The following CDK8 variants were observed in gnomAD, a reference collection of about 807,000 sequenced individuals.
CDK8 encodes the protein cyclin-dependent kinase 8.
A neutral mutation model predicts 71.5 loss-of-function variants in CDK8; 29 were observed. That is an observed-to-expected ratio of 0.41 (90% CI 0.30 to 0.55). The LOEUF is 0.55. Among genes scored for constraint, CDK8 ranks in the 20% least tolerant of loss-of-function variants. CDK8 has a pLI of 0.37. For missense variants in CDK8, 288 were observed against 572.6 expected (o/e 0.50, Z 5.07); for synonymous variants, 161 against 192.1 (o/e 0.84, Z 1.34).
intron 1 of CDK8, among the ~76,000 whole-genome samples, chr13:26,263,356 C>T (rs1051797599): frequency 2.6e-5 from 4 of 152,060 alleles, no homozygotes; most frequent in Non-Finnish European, 5.9e-5. Flanking sequence ...AAGATGGTCT[C>T]GATCTCCTGG....
intron 1 of CDK8, among the ~76,000 whole-genome samples, chr13:26,272,106 C>G (rs1156935908): frequency 6.6e-6 from 1 of 151,762 alleles, no homozygotes; most frequent in Non-Finnish European, 1.5e-5. Context: ...CTTTCTGATT[C>G]TTGTATAATA....
chr13:26,382,787 A>C (rs1346506354), intron 4 of CDK8, 27 bp from the exon 5 acceptor site: 1 of 1,514,614 alleles, frequency 6.6e-7, no homozygotes, highest in Non-Finnish European at 9.0e-7. Context: ...CTGTCTACTG[A>C]AAAAAAACAC....
intron 6 of CDK8, among the ~76,000 whole-genome samples, chr13:26,387,801 T>C (rs1875551520): frequency 1.3e-5 from 2 of 152,226 alleles, no homozygotes; most frequent in South Asian, 4.1e-4. Context: ...ATAGTACCTT[T>C]TCAGAGAGAA....
intron 1 of CDK8, among the ~76,000 whole-genome samples, chr13:26,289,651 C>T (rs981123629): frequency 1.3e-5 from 2 of 151,722 alleles, no homozygotes; most frequent in African/African-American, 4.8e-5. Context: ...CCCGGGTTCA[C>T]GCCATTCTCC....
At chr13:26,288,460 GTAA>G (rs1033605425) in intron 1 of CDK8, among the ~76,000 whole-genome samples, 5 of 151,802 alleles carry the variant, frequency 3.3e-5, no homozygotes, top group African/African-American at 1.2e-4. Flanking sequence ...CTATAGCCTT[GTAA>G]TAATTCTAAT....
chr13:26,273,277 T>G (rs1302050644), intron 1 of CDK8, among the ~76,000 whole-genome samples: 1 of 152,242 alleles, frequency 6.6e-6, no homozygotes, highest in Non-Finnish European at 1.5e-5. Flanking sequence ...ACTGTCTTCA[T>G]TGCTGTAGCT....
At chr13:26,351,368 C>G (rs533873670) in intron 3 of CDK8, among the ~76,000 whole-genome samples, 22 of 151,442 alleles carry the variant, frequency 1.5e-4, no homozygotes, top group Non-Finnish European at 2.8e-4. Context: ...ATCTTTGGTT[C>G]TTCTGTTCTT....
intron 1 of CDK8, among the ~76,000 whole-genome samples, chr13:26,292,943 T>A (rs1453852160): frequency 1.3e-5 from 2 of 152,182 alleles, no homozygotes; most frequent in African/African-American, 2.4e-5. Context: ...TGTGCATTTG[T>A]GGATTTTATT....
Position 26,326,853 on chromosome 13 carries a change from A to G in CDK8, c.129-10714A>G, listed in dbSNP as rs775565962. 1.3e-5 allele frequency among the ~76,000 whole-genome samples: 2 copies of G among 152,194 alleles called. 1 individual carries two copies. Among genetic ancestry groups the G allele is most frequent in the Non-Finnish European group, 2.9e-5 (2 of 68,024 alleles). On this transcript the variant is annotated intron_variant, in intron 1 of 12. Coordinates refer to ENST00000381527, the MANE Select transcript of CDK8 (RefSeq NM_001260.3). ...CAGCTGATAGTTGTTTCCATCAATG[A>G]TAAGATTCAGCAGCCCTGGAAAGTT...
chr13:26,260,500 G>C (rs907817426), intron 1 of CDK8, among the ~76,000 whole-genome samples: 23 of 152,154 alleles, frequency 1.5e-4, no homozygotes, highest in African/African-American at 5.6e-4. Context: ...TCACCTCCAT[G>C]AGGTGTAAGG....
chr13:26,278,311 A>G (rs1045261215), intron 1 of CDK8, among the ~76,000 whole-genome samples: 1 of 152,232 alleles, frequency 6.6e-6, no homozygotes, highest in African/African-American at 2.4e-5. Flanking sequence ...AAAGTTGATG[A>G]ACCATAGCCT....
chr13:26,304,964 G>A (rs988538150), intron 1 of CDK8, among the ~76,000 whole-genome samples: 1 of 152,204 alleles, frequency 6.6e-6, no homozygotes, highest in African/African-American at 2.4e-5. Flanking sequence ...CACTGTGCTT[G>A]GCCTGACGAT....
Position 26,258,984 on chromosome 13 carries a change from C to G in CDK8, c.128+4215C>G, listed in dbSNP as rs373615329. On this transcript the variant is annotated intron_variant, in intron 1 of 12. Transcript: ENST00000381527. ...TTATGGACTAGTGCCTGTTCCCACT[C>G]CCTTGAACCATTCAGTTGGTGGGCA... 2.0e-4 allele frequency among the ~76,000 whole-genome samples: 31 copies of G among 152,290 alleles called. No homozygotes were observed. In the East Asian group the frequency reaches 4.8e-3, roughly 24 times the overall value.
At chr13:26,321,045 CAA>C (rs961307716) in intron 1 of CDK8, among the ~76,000 whole-genome samples, 1 of 151,958 alleles carries the variant, frequency 6.6e-6, no homozygotes, top group African/African-American at 2.4e-5. Context: ...AGGAGGCCTT[CAA>C]AGAGGAATAT....
intron 2 of CDK8, among the ~76,000 whole-genome samples, chr13:26,346,658 A>G (rs1873472074): frequency 6.6e-6 from 1 of 152,192 alleles, no homozygotes; most frequent in Non-Finnish European, 1.5e-5. Flanking sequence ...TTAATTAGGG[A>G]ATGGTCAATT....
At chr13:26,304,569 C>T (rs1873958616) in intron 1 of CDK8, among the ~76,000 whole-genome samples, 1 of 151,850 alleles carries the variant, frequency 6.6e-6, no homozygotes, top group Non-Finnish European at 1.5e-5. Flanking sequence ...GACTAATACC[C>T]TTTTTCCAAA....
rs56346481 is a variant in CDK8, at chr13:26,379,123, T to C, written c.457-3691T>C. 6.4e-3 allele frequency among the ~76,000 whole-genome samples: 972 copies of C among 152,324 alleles called. 9 individuals are homozygous for C. The highest frequency in any genetic ancestry group is 0.022 in the African/African-American group (922 of 41,574). ...TCATACTGTCTTTCCCTGGGGCATA[T>C]GTAGTGTTAATGGAAAGTAACATGA... is the stretch of plus-strand genomic sequence containing the variant. On this transcript the variant is annotated intron_variant, in intron 4 of 12. Transcript: ENST00000381527.
chr13:26,264,937 C>T (rs1871957949), intron 1 of CDK8, among the ~76,000 whole-genome samples: 2 of 152,132 alleles, frequency 1.3e-5, no homozygotes. Context: ...AATAGTATTC[C>T]ATTGTGAATA....
chr13:26,332,012 G>T (rs552209565), intron 1 of CDK8, among the ~76,000 whole-genome samples: 1 of 151,900 alleles, frequency 6.6e-6, no homozygotes, highest in Non-Finnish European at 1.5e-5. Flanking sequence ...AGTCCTTCTC[G>T]TAGAGATTTC....
Sources: allele counts gnomAD v4.1 joint callset (sites outside exome capture counted in the v4.1 genomes callset), GRCh38; gene constraint gnomAD v4.1.1; transcripts MANE v1.5; gene names NCBI Gene and HGNC (gene_info 2026-07-23, HGNC 2026-07-21).